MAP3K4: variants seen among roughly 807,000 people sequenced by gnomAD.
The protein encoded by MAP3K4 is MAP three kinase 1.
In MAP3K4, 67 loss-of-function variants were observed where a neutral mutation model predicts 185.6. The observed-to-expected ratio is 0.36, with a 90% CI of 0.30 to 0.44. MAP3K4 has a LOEUF of 0.44. MAP3K4 is among the 20% of genes least tolerant of loss of function. The pLI is 1.00. For synonymous variants in MAP3K4, 702 were observed against 710.4 expected, an observed-to-expected ratio of 0.99 and a Z score of 0.19; for missense variants, 1,551 against 1,995.1, an observed-to-expected ratio of 0.78 and a Z score of 4.24.
intron 2 of MAP3K4, among the ~76,000 whole-genome samples, chr6:161,038,826 G>A (rs1783303835): frequency 6.6e-6 from 1 of 152,192 alleles, no homozygotes; most frequent in African/African-American, 2.4e-5. Context: ...TCTGCTGGAT[G>A]TCAAACATCC....
intron 1 of MAP3K4, among the ~76,000 whole-genome samples, chr6:161,024,998 G>T (rs1414421228): frequency 2.7e-5 from 4 of 150,604 alleles, no homozygotes; most frequent in South Asian, 2.1e-4. Flanking sequence ...CACCCACCCA[G>T]CCATCCATCC....
intron 1 of MAP3K4, among the ~76,000 whole-genome samples, chr6:161,000,940 C>A (rs558537920): frequency 6.9e-6 from 1 of 145,042 alleles, no homozygotes; most frequent in African/African-American, 2.6e-5. Context: ...CATATATATG[C>A]ACACATAGTG....
At position 161,082,809 on chromosome 6, in the gene MAP3K4, A is replaced by G. The variant is rs1785519787; in HGVS notation, c.2256-1692A>G. On this transcript the variant is annotated intron_variant, in intron 6 of 26. Transcript: ENST00000392142. The surrounding 1 kb of genome is among the most constrained non-coding windows in gnomAD (Gnocchi z 4.2). Reference sequence around the variant, plus strand: ...ACGTATGTTATTGCAGTAGCTCTCTAAACAGTCTCCCTACTTCTGCCTGAA... The same window carrying G: ...ACGTATGTTATTGCAGTAGCTCTCTGAACAGTCTCCCTACTTCTGCCTGAA... Among the ~76,000 whole-genome samples, 1 of 152,114 alleles carries G rather than the reference A, an allele frequency of 6.6e-6. No homozygotes were observed. The highest frequency in any genetic ancestry group is 1.5e-5 in the Non-Finnish European group (1 of 68,012).
At chr6:160,998,327 G>T (rs1358353712) in intron 1 of MAP3K4, among the ~76,000 whole-genome samples, 2 of 152,030 alleles carry the variant, frequency 1.3e-5, no homozygotes, top group African/African-American at 4.8e-5. Context: ...ATAGAAAAAA[G>T]ATATAAAAAA....
In MAP3K4 at chr6:161,076,222, G is replaced by A. The variant is rs879376680; in HGVS notation, c.2097+2610G>A. 1.3e-5 allele frequency among the ~76,000 whole-genome samples: 2 copies of A among 152,196 alleles called. No homozygotes were observed. The highest frequency in any genetic ancestry group is 2.9e-5 in the Non-Finnish European group (2 of 68,040). On this transcript the variant is annotated intron_variant, in intron 5 of 26. Coordinates refer to ENST00000392142, the MANE Select transcript of MAP3K4 (RefSeq NM_005922.4). The surrounding 1 kb of genome is among the most constrained non-coding windows in gnomAD (Gnocchi z 4.2). ...TTAACTAGAGCCTTGATATCTAGGGGTGTGACAGCCATGACCGAAGCTGAG... is the reference window on the plus strand; with the variant it reads ...TTAACTAGAGCCTTGATATCTAGGGATGTGACAGCCATGACCGAAGCTGAG...
Position 161,074,087 on chromosome 6 carries a change from C to T in MAP3K4, c.2097+475C>T, listed in dbSNP as rs1254386839. Among the ~76,000 whole-genome samples the T allele has an allele frequency of 6.6e-6, 1 of 152,144 alleles. No individual in the cohort carries two copies. The highest frequency in any genetic ancestry group is 1.5e-5 in the Non-Finnish European group (1 of 68,034). On this transcript the variant is annotated intron_variant, in intron 5 of 26. Coordinates refer to ENST00000392142, the MANE Select transcript of MAP3K4 (RefSeq NM_005922.4). The surrounding 1 kb of genome is among the most constrained non-coding windows in gnomAD (Gnocchi z 5.0). ...GAGTGTTGAAGATCAACAAGACACT[C>T]GTAGTCTGGTGGGACTAGGCATGGT...
intron 2 of MAP3K4, among the ~76,000 whole-genome samples, chr6:161,046,228 G>A (rs1783722896): frequency 6.6e-6 from 1 of 152,066 alleles, no homozygotes; most frequent in African/African-American, 2.4e-5. Context: ...ATATAGTGGA[G>A]TTAAATGTGG....
At chr6:161,052,903 G>A (rs1356311220) in intron 3 of MAP3K4, among the ~76,000 whole-genome samples, 1 of 152,082 alleles carries the variant, frequency 6.6e-6, no homozygotes, top group East Asian at 1.9e-4. Flanking sequence ...GTTGTGGATA[G>A]GAATCTTTCT....
intron 1 of MAP3K4, among the ~76,000 whole-genome samples, chr6:161,030,280 A>G (rs1336256510): frequency 6.6e-6 from 1 of 151,964 alleles, no homozygotes; most frequent in East Asian, 1.9e-4. Context: ...CTGTGTCTTC[A>G]AGTTCACTGA....
intron 1 of MAP3K4, 118 bp downstream of exon 1, chr6:160,992,201 T>C (rs1242459088): frequency 6.7e-6 from 9 of 1,336,462 alleles, no homozygotes; most frequent in Non-Finnish European, 5.8e-6. Context: ...ATCCAGTCTC[T>C]GCAGGCTGGG....
chr6:160,992,953 C>G (rs1780808467), intron 1 of MAP3K4, among the ~76,000 whole-genome samples: 2 of 152,178 alleles, frequency 1.3e-5, no homozygotes, highest in Non-Finnish European at 1.5e-5. Context: ...ACTGCTGCCC[C>G]CTGTCCCCTG....
At chr6:160,995,549 A>G (rs771746406) in intron 1 of MAP3K4, among the ~76,000 whole-genome samples, 7 of 152,254 alleles carry the variant, frequency 4.6e-5, no homozygotes, top group Non-Finnish European at 8.8e-5. Flanking sequence ...CAGCAACACA[A>G]AACAGGCAGA....
intron 2 of MAP3K4, among the ~76,000 whole-genome samples, chr6:161,038,920 T>C (rs1040950605): frequency 2.0e-5 from 3 of 152,230 alleles, no homozygotes; most frequent in African/African-American, 4.8e-5. Context: ...CACAGTTTTC[T>C]TTCCATGTGA....
At chr6:161,060,044 A>G (rs1399558434) in intron 3 of MAP3K4, among the ~76,000 whole-genome samples, 1 of 152,118 alleles carries the variant, frequency 6.6e-6, no homozygotes, top group East Asian at 1.9e-4. Flanking sequence ...TATTAACACT[A>G]CTTTCCCAGG....
At chr6:161,025,693 T>C (rs1236812104) in intron 1 of MAP3K4, among the ~76,000 whole-genome samples, 1 of 152,240 alleles carries the variant, frequency 6.6e-6, no homozygotes, top group Non-Finnish European at 1.5e-5. Flanking sequence ...AAATTTAATT[T>C]AGAATAAGGA....
intron 1 of MAP3K4, among the ~76,000 whole-genome samples, chr6:161,009,556 G>A (rs1056743804): frequency 2.6e-5 from 4 of 151,978 alleles, no homozygotes; most frequent in Non-Finnish European, 5.9e-5. Flanking sequence ...TCCATGTTAC[G>A]GGGTGTCAGA....
In MAP3K4 at chr6:161,054,195, C is replaced by G. The variant is rs1037321653; in HGVS notation, c.1707+4216C>G. On this transcript the variant is annotated intron_variant, in intron 3 of 26. Transcript: ENST00000392142. This position sits in a 1 kb window ranked among gnomAD's most constrained non-coding sequence, Gnocchi z 4.2. ...TTGAGACAGAGTTTCGCTCTTGTTG[C>G]CCAGGCTGGAGTGCAATGGCGCTAT... Among the ~76,000 whole-genome samples, 3 of 152,130 alleles carry G rather than the reference C, an allele frequency of 2.0e-5. No individual in the cohort carries two copies. The highest frequency in any genetic ancestry group is 7.2e-5 in the African/African-American group (3 of 41,428).
chr6:161,024,929 A>G (rs544959316), intron 1 of MAP3K4, among the ~76,000 whole-genome samples: 7 of 152,252 alleles, frequency 4.6e-5, no homozygotes, highest in African/African-American at 1.7e-4. Context: ...GTATGTATGT[A>G]TGTATGTACC....
Position 161,091,249 on chromosome 6 carries a change from C to G in MAP3K4, c.2974-130C>G. 1 of 624,972 alleles carries G rather than the reference C, an allele frequency of 1.6e-6. No homozygotes were observed. Among genetic ancestry groups the G allele is most frequent in the Non-Finnish European group, 2.6e-6 (1 of 379,098 alleles). The allele number at this position is 624,972 out of a possible 1,614,324, so 38.7% of individuals were successfully genotyped here. ...TAATTTCTTCTATATTTGGTAATTC[C>G]TTTACCAAGTGGCTGAATTGTTTGT... is the stretch of plus-strand genomic sequence containing the variant. On this transcript the variant is annotated intron_variant, in intron 11 of 26. Transcript: ENST00000392142. This position sits in a 1 kb window ranked among gnomAD's most constrained non-coding sequence, Gnocchi z 5.5.
Sources: gnomAD v4.1 joint callset for allele counts (sites outside exome capture counted in the v4.1 genomes callset) on GRCh38, gnomAD v4.1.1 for gene constraint, Gnocchi (gnomAD v3.1) non-coding constraint, MANE v1.5 for transcripts, NCBI Gene and HGNC (gene_info 2026-07-23, HGNC 2026-07-21) for gene names.